The following UIMC1 variants were observed in gnomAD, a reference collection of about 807,000 sequenced individuals.
UIMC1 encodes BRCA1-A complex subunit RAP80.
Under a neutral mutation model 84.9 loss-of-function variants are expected in UIMC1, and 42 were observed. That is an observed-to-expected ratio of 0.49 (90% confidence interval 0.39 to 0.64). The LOEUF is 0.64. Ranked by LOEUF, UIMC1 falls within the 30% of genes least tolerant of loss-of-function variation. The probability of loss-of-function intolerance (pLI) is 0.00; values close to 1 mark genes in which losing one functional copy is unlikely to be tolerated. For synonymous variants in UIMC1, 281 were observed against 293.0 expected (o/e 0.96, Z 0.42); for missense variants, 825 against 847.6 (o/e 0.97, Z 0.33).
At chr5:177,007,830 C>T (rs753378359), upstream of UIMC1, among the ~76,000 whole-genome samples, 2 of 151,936 alleles carry the variant, frequency 1.3e-5, no homozygotes, top group South Asian at 2.1e-4. Flanking sequence ...CCTGGCCAGG[C>T]GTGGTGGATC....
chr5:176,937,649 T>C (rs1763874269), intron 10 of UIMC1, among the ~76,000 whole-genome samples: 2 of 152,222 alleles, frequency 1.3e-5, no homozygotes, highest in Admixed American at 1.3e-4. Flanking sequence ...GTCAGACATA[T>C]ATTTAATGAT....
Position 176,955,968 on chromosome 5 carries a change from C to T in UIMC1, c.1330G>A (p.Val444Ile), listed in dbSNP as rs1258521967. ...MPESSAEEIT[V>I]CPETQLSSSE... The stretch of plus-strand genomic sequence containing the variant: ...ACAGTGGGGTACTTACCAGGACAAA[C>T]AGTGATTTCTTCTGCAGAACTCTCT... Residue 444 changes from valine to isoleucine, a missense_variant, in exon 8 of 15, where the codon GTT becomes ATT. Coordinates refer to ENST00000511320, the MANE Select transcript of UIMC1 (RefSeq NM_001199298.2). 6.2e-7 allele frequency: 1 copy of T among 1,613,532 alleles called. No homozygotes were observed.
upstream of UIMC1, among the ~76,000 whole-genome samples, chr5:177,008,761 T>C (rs1375122830): frequency 1.3e-5 from 2 of 152,068 alleles, no homozygotes; most frequent in South Asian, 2.1e-4. Context: ...TTCTAAACAA[T>C]AGAATAAGGC....
intron 9 of UIMC1, among the ~76,000 whole-genome samples, chr5:176,945,951 G>C (rs893509080): frequency 1.1e-4 from 16 of 152,254 alleles, no homozygotes; most frequent in African/African-American, 3.1e-4. Flanking sequence ...TCTTATCTCT[G>C]TATACTATAC....
intron 11 of UIMC1, among the ~76,000 whole-genome samples, chr5:176,909,524 A>G (rs1337606849): frequency 6.6e-6 from 1 of 152,336 alleles, no homozygotes; most frequent in East Asian, 1.9e-4. Flanking sequence ...TGCCTGACTC[A>G]TAAGATCACC....
intron 10 of UIMC1, among the ~76,000 whole-genome samples, chr5:176,941,922 C>A (rs780691608): frequency 6.6e-6 from 1 of 152,100 alleles, no homozygotes; most frequent in Non-Finnish European, 1.5e-5. Flanking sequence ...CGGCTCATTA[C>A]AACCTCTGCC....
chr5:176,970,686 A>G (rs1769077491), intron 4 of UIMC1, 56 bp downstream of exon 4: 1 of 1,612,640 alleles, frequency 6.2e-7, no homozygotes, highest in South Asian at 1.1e-5. Context: ...AACACCACAG[A>G]AGTCAAAAAT....
At chr5:176,943,210 A>G in intron 10 of UIMC1, 125 bp downstream of exon 10, 1 of 1,261,086 alleles carries the variant, frequency 7.9e-7, no homozygotes, top group Non-Finnish European at 1.1e-6. Flanking sequence ...GATAGAAAAA[A>G]CCCAAGACCA....
At chr5:176,982,967 G>A (rs954803373) in intron 1 of UIMC1, among the ~76,000 whole-genome samples, 5 of 152,142 alleles carry the variant, frequency 3.3e-5, no homozygotes, top group Non-Finnish European at 7.4e-5. Context: ...CCATAGTGCT[G>A]AGATTACAGA....
chr5:176,974,916 G>A (rs1769825063), intron 3 of UIMC1, among the ~76,000 whole-genome samples: 1 of 152,106 alleles, frequency 6.6e-6, no homozygotes, highest in South Asian at 2.1e-4. Flanking sequence ...AACACTGGGA[G>A]GCCCAAGCTG....
At chr5:176,950,360 AG>A (rs1404155333) in intron 9 of UIMC1, among the ~76,000 whole-genome samples, 5 of 151,220 alleles carry the variant, frequency 3.3e-5, no homozygotes, top group Non-Finnish European at 5.9e-5. Flanking sequence ...ACCCTCCCAA[AG>A]TGCTCGGATT....
chr5:176,932,700 G>A (rs1038964212), intron 10 of UIMC1, among the ~76,000 whole-genome samples: 2 of 152,118 alleles, frequency 1.3e-5, no homozygotes, highest in African/African-American at 4.8e-5. Context: ...TTCAGTGGAA[G>A]AAGGTACCTT....
intron 10 of UIMC1, among the ~76,000 whole-genome samples, chr5:176,942,744 T>TCAA (rs1764592155): frequency 8.7e-6 from 1 of 114,382 alleles, no homozygotes; most frequent in Admixed American, 9.0e-5. Flanking sequence ...AGACTCCGTC[T>TCAA]TAAAAAAAAA....
chr5:177,014,255 T>C (rs182911144), intron 1 of UIMC1, among the ~76,000 whole-genome samples: 3 of 152,138 alleles, frequency 2.0e-5, no homozygotes, highest in African/African-American at 7.2e-5. Context: ...GGTTTCACTA[T>C]GTTGGCCTGG....
intron 10 of UIMC1, among the ~76,000 whole-genome samples, chr5:176,922,496 C>T (rs766236846): frequency 2.9e-4 from 44 of 152,238 alleles, no homozygotes; most frequent in Non-Finnish European, 1.0e-4. Context: ...ACTAACACTG[C>T]TTTATCATCT....
intron 14 of UIMC1, 111 bp downstream of exon 14, chr5:176,905,900 A>G: frequency 8.5e-7 from 1 of 1,174,764 alleles, no homozygotes; most frequent in South Asian, 1.3e-5. Context: ...ATAGTTCCAC[A>G]GTGATTTCTA....
chr5:176,909,049 G>A (rs1759773854), intron 11 of UIMC1, among the ~76,000 whole-genome samples: 1 of 152,086 alleles, frequency 6.6e-6, no homozygotes, highest in African/African-American at 2.4e-5. Flanking sequence ...TTTTCAAAGA[G>A]AAGTTAAAAT....
rs766653801 is a variant in UIMC1, at chr5:176,911,310, C to T, written c.1676+1G>A. The T allele has an allele frequency of 1.9e-6, 3 of 1,594,418 alleles. No homozygotes were observed. The highest frequency in any genetic ancestry group is 1.1e-5 in the South Asian group (1 of 87,080). On this transcript the variant is annotated splice_donor_variant, in intron 11 of 14. Coordinates refer to ENST00000511320, the MANE Select transcript of UIMC1 (RefSeq NM_001199298.2). LOFTEE classifies it high-confidence loss of function. Reference sequence around the variant, plus strand: ...TCCGTGAATGCAGCATACCTACTTACTTGTCAATGTCTAGAGAAGTCTGGG... The same window carrying T: ...TCCGTGAATGCAGCATACCTACTTATTTGTCAATGTCTAGAGAAGTCTGGG...
At chr5:176,993,042 T>G (rs1272421161) in intron 1 of UIMC1, among the ~76,000 whole-genome samples, 1 of 151,600 alleles carries the variant, frequency 6.6e-6, no homozygotes, top group Non-Finnish European at 1.5e-5. Context: ...AAAAATCAGC[T>G]GGGCATGGTG....
Sources: gnomAD v4.1 joint callset for allele counts (sites outside exome capture counted in the v4.1 genomes callset) on GRCh38, gnomAD v4.1.1 for gene constraint, MANE v1.5 for transcripts, NCBI Gene and HGNC (gene_info 2026-07-23, HGNC 2026-07-21) for gene names.